Variants in TEAD4 observed in about 807,000 individuals in gnomAD.
The protein encoded by TEAD4 is transcriptional enhancer factor TEF-3.
In TEAD4, 36 loss-of-function variants were observed where a neutral mutation model predicts 52.4. The observed-to-expected ratio is 0.69, with a 90% CI of 0.53 to 0.91. The LOEUF is 0.91. Among genes scored for constraint, TEAD4 ranks in the 40% least tolerant of loss-of-function variants. The pLI, the probability that TEAD4 is intolerant of heterozygous loss-of-function variation, is 0.00. For synonymous variants in TEAD4, 220 were observed against 231.0 expected (o/e 0.95, Z 0.43); for missense variants, 508 against 583.9 (o/e 0.87, Z 1.34).
intron 8 of TEAD4, among the ~76,000 whole-genome samples, chr12:3,019,688 C>T (rs1414626644): frequency 6.6e-6 from 1 of 152,026 alleles, no homozygotes; most frequent in East Asian, 1.9e-4. Context: ...AGGAGGGGCC[C>T]TCACCACCTC....
At chr12:3,012,109 C>G in intron 4 of TEAD4, 61 bp from the exon 5 acceptor site, 1 of 1,578,536 alleles carries the variant, frequency 6.3e-7, no homozygotes, top group Non-Finnish European at 8.7e-7. Context: ...AGTCAGGAAG[C>G]CAGGCTGGGG....
At chr12:2,978,238 T>C (rs369824489) in intron 2 of TEAD4, among the ~76,000 whole-genome samples, 1 of 152,180 alleles carries the variant, frequency 6.6e-6, no homozygotes, top group South Asian at 2.1e-4. Context: ...TAACATAAAA[T>C]TTGCCATTTG....
chr12:3,035,026 G>A (rs913938845), intron 10 of TEAD4, among the ~76,000 whole-genome samples: 1 of 152,054 alleles, frequency 6.6e-6, no homozygotes, highest in African/African-American at 2.4e-5. Flanking sequence ...ACTTGAACCC[G>A]GCAGGCGAAG....
chr12:3,038,928 G>A (rs1028249365), intron 11 of TEAD4, among the ~76,000 whole-genome samples: 2 of 152,160 alleles, frequency 1.3e-5, no homozygotes, highest in African/African-American at 4.8e-5. Context: ...CTGAGAGTCC[G>A]GGGCCCTGTG....
At position 3,040,089 on chromosome 12, in the gene TEAD4, T is replaced by A. The variant is rs2098281768; in HGVS notation, c.1039-18T>A. On this transcript the variant is annotated intron_variant, in intron 11 of 12. Transcript: ENST00000359864. ...TCAGAATGGGATTCTAAGCCCCTGC[T>A]CTCCCCGGGTCCTGCAGACAGAGTA... The A allele has an allele frequency of 6.2e-7, 1 of 1,613,254 alleles. No individual in the cohort carries two copies. The highest frequency in any genetic ancestry group is 1.3e-5 in the African/African-American group (1 of 74,864).
chr12:2,991,010 C>A lies in TEAD4; in HGVS notation c.-29-3728C>A, dbSNP rs561661895. Among the ~76,000 whole-genome samples the A allele has an allele frequency of 5.3e-5, 8 of 152,156 alleles. No individual in the cohort carries two copies. In the East Asian group the frequency reaches 1.4e-3, roughly 26 times the overall value. On this transcript the variant is annotated intron_variant, in intron 2 of 12. Coordinates refer to ENST00000359864, the MANE Select transcript of TEAD4 (RefSeq NM_003213.4). ...GACCAGCCTAGGCAACCTAGTGAGA[C>A]CTCTGCAGTAAATACATAATCTCTA...
In TEAD4 at chr12:2,982,912, A is replaced by G. The variant is rs7299228; in HGVS notation, c.-29-11826A>G. On this transcript the variant is annotated intron_variant, in intron 2 of 12. Transcript: ENST00000359864. Reference sequence around the variant, plus strand: ...CTAGGCCCAACTTCTGCAGGGACTGATGGTGCTCACTTCACCAGGCCAGTC... The same window carrying G: ...CTAGGCCCAACTTCTGCAGGGACTGGTGGTGCTCACTTCACCAGGCCAGTC... 3.2e-3 allele frequency among the ~76,000 whole-genome samples: 491 copies of G among 152,242 alleles called. 1 individual carries two copies. The highest frequency in any genetic ancestry group is 0.011 in the African/African-American group (441 of 41,536).
At chr12:2,970,210 C>T (rs1450072884) in intron 2 of TEAD4, among the ~76,000 whole-genome samples, 4 of 152,192 alleles carry the variant, frequency 2.6e-5, no homozygotes, top group Non-Finnish European at 4.4e-5. Context: ...GCGCTAGAAC[C>T]GTAGTGTGTA....
rs756629944 is a variant in TEAD4 at position 3,020,784 on chromosome 12, G to T, written c.723+11G>T. The T allele has an allele frequency of 6.4e-7, 1 of 1,572,674 alleles. No individual in the cohort carries two copies. The highest frequency in any genetic ancestry group is 1.2e-5 in the South Asian group (1 of 84,816). ...CAGGACCCGGACACGGTAGGTCCTG[G>T]CCTCTGCCTGTCCAGCTCCCTGGTC... is the stretch of plus-strand genomic sequence containing the variant. On this transcript the variant is annotated intron_variant, in intron 9 of 12. Transcript: ENST00000359864.
chr12:2,976,310 C>G (rs1300170798), intron 2 of TEAD4, among the ~76,000 whole-genome samples: 2 of 151,280 alleles, frequency 1.3e-5, no homozygotes, highest in Non-Finnish European at 2.9e-5. Flanking sequence ...CCACACCTGG[C>G]CATCTCATTT....
At chr12:2,972,364 G>A (rs548486118) in intron 2 of TEAD4, among the ~76,000 whole-genome samples, 2 of 152,154 alleles carry the variant, frequency 1.3e-5, no homozygotes, top group South Asian at 4.2e-4. Flanking sequence ...TTACGGGTGT[G>A]AGCCACCATA....
chr12:2,997,112 C>T (rs1328247289), intron 3 of TEAD4, among the ~76,000 whole-genome samples: 7 of 152,240 alleles, frequency 4.6e-5, no homozygotes, highest in East Asian at 3.9e-4. Context: ...AGGATGCTTC[C>T]GTCTTGTGGC....
chr12:2,988,376 G>A (rs955248395), intron 2 of TEAD4, among the ~76,000 whole-genome samples: 5 of 151,314 alleles, frequency 3.3e-5, no homozygotes, highest in African/African-American at 1.2e-4. Context: ...AAAATTAGCC[G>A]GGTGAGGTGG....
chr12:2,969,018 A>G (rs2098222898), intron 2 of TEAD4, among the ~76,000 whole-genome samples: 1 of 152,148 alleles, frequency 6.6e-6, no homozygotes, highest in African/African-American at 2.4e-5. Flanking sequence ...GGGTGCTGTC[A>G]TTTCTCATTT....
intron 10 of TEAD4, among the ~76,000 whole-genome samples, chr12:3,029,345 C>T (rs1048603718): frequency 6.7e-6 from 1 of 148,446 alleles, no homozygotes; most frequent in Admixed American, 7.0e-5. Context: ...TCACGCCATT[C>T]TTGTGCCTCA....
chr12:2,989,231 C>T (rs2098241143), intron 2 of TEAD4, among the ~76,000 whole-genome samples: 1 of 152,126 alleles, frequency 6.6e-6, no homozygotes, highest in African/African-American at 2.4e-5. Context: ...TATGAGCCAC[C>T]ATGCCCAGCC....
rs199742376 is a variant in TEAD4, at chr12:3,019,100, C to A, written c.528-15C>A. ...CTGCCCGAGGCTGACACCTCCCCTC[C>A]TCTCTCTCCCGCAGTGTGAAGCCTT... On this transcript the variant is annotated splice_polypyrimidine_tract_variant and intron_variant, in intron 7 of 12. Coordinates refer to ENST00000359864, the MANE Select transcript of TEAD4 (RefSeq NM_003213.4). The A allele has an allele frequency of 2.5e-6, 4 of 1,613,888 alleles. No individual in the cohort carries two copies. Among genetic ancestry groups the A allele is most frequent in the Non-Finnish European group, 3.4e-6 (4 of 1,179,912 alleles).
intron 2 of TEAD4, among the ~76,000 whole-genome samples, chr12:2,973,767 A>T (rs1299418289): frequency 6.6e-6 from 1 of 152,188 alleles, no homozygotes; most frequent in Admixed American, 6.5e-5. Context: ...CCCCATCCAG[A>T]AAAACAAATG....
chr12:2,993,392 C>A (rs1160577492), intron 2 of TEAD4, among the ~76,000 whole-genome samples: 1 of 152,198 alleles, frequency 6.6e-6, no homozygotes, highest in African/African-American at 2.4e-5. Context: ...CTCAAATGAT[C>A]CTCCTGCCTC....
Sources: allele counts gnomAD v4.1 joint callset (sites outside exome capture counted in the v4.1 genomes callset), GRCh38; gene constraint gnomAD v4.1.1; transcripts MANE v1.5; gene names NCBI Gene and HGNC (gene_info 2026-07-23, HGNC 2026-07-21).